The following XKR9 variants were observed in gnomAD, a reference collection of about 807,000 sequenced individuals.
The protein encoded by XKR9 is XK related 9.
XKR9 carries 32 observed loss-of-function variants against 32.0 expected under a neutral mutation model. The observed-to-expected ratio is 1.00, with a 90% CI of 0.76 to 1.34. The LOEUF (loss-of-function observed/expected upper bound fraction) is 1.34, where lower values mean the gene tolerates loss of function less well. Among genes scored for constraint, XKR9 ranks in the 40% most tolerant of loss-of-function variants. The pLI is 0.00. For synonymous variants in XKR9, 168 were observed against 143.4 expected (o/e 1.17, Z -1.22); for missense variants, 546 against 429.7 (o/e 1.27, Z -2.39).
At chr8:70,916,461 A>G in the XKR9 span, among the ~76,000 whole-genome samples, 6 of 152,088 alleles carry the variant, frequency 3.9e-5, no homozygotes, top group Non-Finnish European at 7.4e-5. Context: ...TGTTCCACTG[A>G]TCTATTTTTT....
At chr8:70,847,302 G>C in the XKR9 span, among the ~76,000 whole-genome samples, 1 of 151,892 alleles carries the variant, frequency 6.6e-6, no homozygotes, top group Non-Finnish European at 1.5e-5. Flanking sequence ...AAATGAAAAT[G>C]GAAACACAAT....
the XKR9 span, among the ~76,000 whole-genome samples, chr8:70,986,583 A>T: frequency 6.6e-6 from 1 of 152,198 alleles, no homozygotes; most frequent in African/African-American, 2.4e-5. Flanking sequence ...TAGACAGCAG[A>T]CTTTTGAACT....
intron 2 of XKR9, among the ~76,000 whole-genome samples, chr8:70,757,717 G>T (rs1216261222): frequency 6.6e-6 from 1 of 152,064 alleles, no homozygotes; most frequent in African/African-American, 2.4e-5. Context: ...TCCCCAAGTA[G>T]CTGGGACTAT....
the XKR9 span, among the ~76,000 whole-genome samples, chr8:70,882,742 A>T: frequency 6.6e-6 from 1 of 152,098 alleles, no homozygotes; most frequent in African/African-American, 2.4e-5. Context: ...CATTTATTAC[A>T]ATTGATGAGG....
chr8:70,844,449 C>G, the XKR9 span, among the ~76,000 whole-genome samples: 1 of 152,200 alleles, frequency 6.6e-6, no homozygotes, highest in Non-Finnish European at 1.5e-5. Flanking sequence ...TCCCCCAGCA[C>G]CAGGGCCACA....
At chr8:70,822,538 TTA>T in the XKR9 span, among the ~76,000 whole-genome samples, 3 of 150,776 alleles carry the variant, frequency 2.0e-5, no homozygotes, top group African/African-American at 7.3e-5. Context: ...AGATTATGAA[TTA>T]TATGTTTATA....
the XKR9 span, among the ~76,000 whole-genome samples, chr8:70,804,123 T>C: frequency 1.3e-5 from 2 of 152,216 alleles, no homozygotes; most frequent in African/African-American, 4.8e-5. Context: ...GCCATGCAGG[T>C]ATATCCTGGG....
the XKR9 span, among the ~76,000 whole-genome samples, chr8:70,965,425 C>G: frequency 2.2e-3 from 338 of 152,182 alleles, 3 homozygotes; most frequent in African/African-American, 7.9e-3. Context: ...TTTGATGTAT[C>G]TCTGTCAGGT....
chr8:71,014,961 G>A, the XKR9 span, among the ~76,000 whole-genome samples: 1 of 152,144 alleles, frequency 6.6e-6, no homozygotes, highest in Non-Finnish European at 1.5e-5. Context: ...TCCTTTGTCT[G>A]ACATAGAAGC....
intron 2 of XKR9, among the ~76,000 whole-genome samples, chr8:70,766,909 G>C (rs1452740003): frequency 6.6e-6 from 1 of 152,178 alleles, no homozygotes; most frequent in African/African-American, 2.4e-5. Context: ...TTATTGATTT[G>C]TGTATGTTGA....
chr8:70,870,771 A>G, the XKR9 span, among the ~76,000 whole-genome samples: 10 of 152,200 alleles, frequency 6.6e-5, no homozygotes, highest in Non-Finnish European at 1.5e-4. Context: ...TTCCAGTCCT[A>G]TGAAAAGATC....
chr8:70,766,883 A>T (rs2130222111), intron 2 of XKR9, among the ~76,000 whole-genome samples: 1 of 152,314 alleles, frequency 6.6e-6, no homozygotes, highest in African/African-American at 2.4e-5. Context: ...GGTTCTGTTT[A>T]TGTGACAAAT....
the XKR9 span, among the ~76,000 whole-genome samples, chr8:71,065,217 A>G: frequency 1.8e-4 from 27 of 152,212 alleles, no homozygotes; most frequent in Non-Finnish European, 3.5e-4. Context: ...CTAACCCCCA[A>G]TGTGACTGCA....
intron 2 of XKR9, among the ~76,000 whole-genome samples, chr8:70,750,198 C>G (rs920454375): frequency 6.6e-6 from 1 of 152,116 alleles, no homozygotes; most frequent in African/African-American, 2.4e-5. Context: ...GTGTGTCTTG[C>G]TAACTAGAAA....
the XKR9 span, among the ~76,000 whole-genome samples, chr8:70,937,392 A>G: frequency 6.6e-6 from 1 of 152,052 alleles, no homozygotes; most frequent in African/African-American, 2.4e-5. Flanking sequence ...ACCCAGACCA[A>G]CTAAATCAGA....
At chr8:70,755,559 C>G (rs925933870) in intron 2 of XKR9, among the ~76,000 whole-genome samples, 1 of 152,026 alleles carries the variant, frequency 6.6e-6, no homozygotes, top group South Asian at 2.1e-4. Context: ...CACATATACA[C>G]CATGGAATAC....
the XKR9 span, among the ~76,000 whole-genome samples, chr8:70,985,569 A>G: frequency 1.3e-5 from 2 of 152,216 alleles, no homozygotes; most frequent in African/African-American, 4.8e-5. Flanking sequence ...GTATTTGAGC[A>G]ATGTTTCTGG....
rs1006597533 is a variant in XKR9 at position 70,707,299 on chromosome 8, T to A, written c.493+146T>A. The A allele has an allele frequency of 1.8e-5, 11 of 602,448 alleles. No homozygotes were observed. In the African/African-American group the frequency reaches 1.8e-4, roughly 10 times the overall value. The allele number at this position is 602,448 out of a possible 1,614,324, so 37.3% of individuals were successfully genotyped here. Reference sequence around the variant, plus strand: ...AGGAAGTACAGTAACATGGTTGAAATATCAAAAAGTATATAGATAATATAC... The same window carrying A: ...AGGAAGTACAGTAACATGGTTGAAAAATCAAAAAGTATATAGATAATATAC... On this transcript the variant is annotated intron_variant, in intron 4 of 4. Coordinates refer to ENST00000408926, the MANE Select transcript of XKR9 (RefSeq NM_001011720.2).
chr8:70,849,968 A>C, the XKR9 span, among the ~76,000 whole-genome samples: 27 of 136,662 alleles, frequency 2.0e-4, no homozygotes, highest in African/African-American at 7.2e-4. Context: ...AAATTGAAGC[A>C]GTAATTAATA....
Sources: allele counts gnomAD v4.1 joint callset (sites outside exome capture counted in the v4.1 genomes callset), GRCh38; gene constraint gnomAD v4.1.1; transcripts MANE v1.5; gene names NCBI Gene and HGNC (gene_info 2026-07-23, HGNC 2026-07-21).